Variants in COLEC12 observed in about 807,000 individuals in gnomAD.
The protein encoded by COLEC12 is collectin-12.
In COLEC12, 33 loss-of-function variants were observed where a neutral mutation model predicts 71.1. The ratio of observed to expected loss-of-function variants is 0.46; its 90% CI spans 0.35 to 0.62. COLEC12 has a LOEUF of 0.62. Ranked by LOEUF, COLEC12 falls within the 20% of genes least tolerant of loss-of-function variation. The pLI, the probability that COLEC12 is intolerant of heterozygous loss-of-function variation, is 0.00. For synonymous variants in COLEC12, 350 were observed against 353.0 expected, an observed-to-expected ratio of 0.99 and a Z score of 0.10; for missense variants, 765 against 916.1, an observed-to-expected ratio of 0.84 and a Z score of 2.13.
Position 332,737 on chromosome 18 carries a change from G to T in COLEC12, c.1953+270C>A, listed in dbSNP as rs138442142. Among the ~76,000 whole-genome samples, 954 of 152,234 alleles carry T rather than the reference G, an allele frequency of 6.3e-3. 9 individuals are homozygous for T. The highest frequency in any genetic ancestry group is 0.022 in the African/African-American group (912 of 41,518). On this transcript the variant is annotated intron_variant, in intron 7 of 9. Transcript: ENST00000400256. ...CTGGTGGCAGCCCTCAAGCTTCTCTGCATTATAATTATTTCAACAGCCACC... is the reference window on the plus strand; with the variant it reads ...CTGGTGGCAGCCCTCAAGCTTCTCTTCATTATAATTATTTCAACAGCCACC...
chr18:466,433 C>G (rs774685944), intron 2 of COLEC12, among the ~76,000 whole-genome samples: 24 of 152,104 alleles, frequency 1.6e-4, no homozygotes, highest in Non-Finnish European at 3.2e-4. Context: ...TATCCGTGCT[C>G]TGTTTCCTGC....
intron 2 of COLEC12, among the ~76,000 whole-genome samples, chr18:368,630 C>T (rs556900114): frequency 1.2e-4 from 18 of 151,736 alleles, no homozygotes; most frequent in African/African-American, 1.7e-4. Context: ...TTTGGGAGGC[C>T]AAGGTGGGCG....
chr18:446,270 A>G (rs1191444448), intron 2 of COLEC12, among the ~76,000 whole-genome samples: 3 of 152,074 alleles, frequency 2.0e-5, no homozygotes, highest in African/African-American at 4.8e-5. Flanking sequence ...GTGTGTGTGC[A>G]CGTGTGCATA....
chr18:326,956 A>T (rs1323296946), intron 8 of COLEC12, among the ~76,000 whole-genome samples: 2 of 152,174 alleles, frequency 1.3e-5, no homozygotes, highest in Non-Finnish European at 2.9e-5. Flanking sequence ...TGCCTTTTTA[A>T]AACATGATCC....
intron 2 of COLEC12, among the ~76,000 whole-genome samples, chr18:426,602 T>C (rs1012660540): frequency 9.9e-5 from 15 of 152,208 alleles, no homozygotes; most frequent in Non-Finnish European, 1.5e-5. Context: ...GGCTGTAACA[T>C]CTTATTGATT....
intron 2 of COLEC12, among the ~76,000 whole-genome samples, chr18:377,798 C>T (rs979494994): frequency 6.6e-6 from 1 of 151,996 alleles, no homozygotes; most frequent in Non-Finnish European, 1.5e-5. Context: ...CCAAGAAAGA[C>T]AGGGCCTGGA....
At chr18:329,501 GT>G (rs1199278906) in intron 8 of COLEC12, among the ~76,000 whole-genome samples, 1 of 152,184 alleles carries the variant, frequency 6.6e-6, no homozygotes, top group Non-Finnish European at 1.5e-5. Context: ...TACAGCTACT[GT>G]TTTAGATGGT....
chr18:322,191 G>GATAT (rs1051089528), intron 8 of COLEC12, among the ~76,000 whole-genome samples: 1 of 28,476 alleles, frequency 3.5e-5, no homozygotes, highest in South Asian at 2.7e-3. Flanking sequence ...ATGAGGACAT[G>GATAT]ATACACACAC....
At chr18:329,809 G>A (rs1233057583) in intron 8 of COLEC12, among the ~76,000 whole-genome samples, 2 of 152,214 alleles carry the variant, frequency 1.3e-5, no homozygotes, top group Non-Finnish European at 2.9e-5. Flanking sequence ...TAGGTGCGGT[G>A]GCTCATACCT....
intron 2 of COLEC12, among the ~76,000 whole-genome samples, chr18:473,254 A>G (rs1189717757): frequency 6.6e-6 from 1 of 152,180 alleles, no homozygotes; most frequent in Non-Finnish European, 1.5e-5. Flanking sequence ...AGAGAAAAAG[A>G]ATCACTCCAG....
At chr18:447,296 C>A (rs370926823) in intron 2 of COLEC12, among the ~76,000 whole-genome samples, 7 of 152,238 alleles carry the variant, frequency 4.6e-5, no homozygotes, top group Non-Finnish European at 8.8e-5. Flanking sequence ...GGCACCTTCC[C>A]GCATGGGAAG....
At chr18:323,030 G>C (rs746676405) in intron 8 of COLEC12, among the ~76,000 whole-genome samples, 1 of 152,190 alleles carries the variant, frequency 6.6e-6, no homozygotes, top group Non-Finnish European at 1.5e-5. Context: ...TTCGAGACCA[G>C]CCTGGCCAAC....
At chr18:410,494 A>G (rs1186573224) in intron 2 of COLEC12, among the ~76,000 whole-genome samples, 1 of 151,664 alleles carries the variant, frequency 6.6e-6, no homozygotes. Context: ...GCTGAAGTGC[A>G]GTGGCATGAT....
intron 2 of COLEC12, among the ~76,000 whole-genome samples, chr18:361,597 A>G (rs986638018): frequency 1.3e-5 from 2 of 152,220 alleles, no homozygotes; most frequent in African/African-American, 2.4e-5. Context: ...GGACCAGCGC[A>G]TAAGCTCTCT....
chr18:385,140 T>C (rs4621053), intron 2 of COLEC12, among the ~76,000 whole-genome samples: 18,382 of 152,168 alleles, frequency 0.12, 1,382 homozygotes, highest in East Asian at 0.26. Context: ...GGTCAAATAG[T>C]TGGAACTGAC....
intron 2 of COLEC12, among the ~76,000 whole-genome samples, chr18:448,317 A>G (rs2090262846): frequency 6.6e-6 from 1 of 152,176 alleles, no homozygotes; most frequent in Non-Finnish European, 1.5e-5. Context: ...TGATCCTGTA[A>G]TCTTTGTGCT....
intron 1 of COLEC12, among the ~76,000 whole-genome samples, chr18:488,532 T>C (rs2143785899): frequency 6.6e-6 from 1 of 151,932 alleles, no homozygotes; most frequent in Admixed American, 6.6e-5. Context: ...GGCATATAAA[T>C]AGAAAAAAGT....
chr18:416,942 G>C (rs1915998080), intron 2 of COLEC12, among the ~76,000 whole-genome samples: 1 of 151,942 alleles, frequency 6.6e-6, no homozygotes, highest in Admixed American at 6.6e-5. Context: ...TCTAGCATGG[G>C]CAAGGGCATG....
In COLEC12 at chr18:348,235, A is replaced by T. The variant is rs1598333779; in HGVS notation, c.182-72T>A. 4 of 938,454 alleles carry T rather than the reference A, an allele frequency of 4.3e-6. No homozygotes were observed. The East Asian group carries it at 9.9e-5, about 23-fold the overall frequency. 58.1% of individuals were successfully genotyped at this position (938,454 alleles called of 1,614,324 possible). On this transcript the variant is annotated intron_variant, in intron 3 of 9. Coordinates refer to ENST00000400256, the MANE Select transcript of COLEC12 (RefSeq NM_130386.3). ...TTATTTTTCAGTTTCAAAACAAGAG[A>T]TCATTTCATTATGGAACAAAGGAAA...
Sources: allele counts gnomAD v4.1 joint callset (sites outside exome capture counted in the v4.1 genomes callset), GRCh38; gene constraint gnomAD v4.1.1; transcripts MANE v1.5; gene names NCBI Gene and HGNC (gene_info 2026-07-23, HGNC 2026-07-21).